Variants in SBNO1 observed in about 807,000 individuals in gnomAD.
The protein encoded by SBNO1 is protein strawberry notch homolog 1.
SBNO1 carries 23 observed loss-of-function variants against 173.6 expected under a neutral mutation model. The ratio of observed to expected loss-of-function variants is 0.13; its 90% CI spans 0.10 to 0.19. The LOEUF (loss-of-function observed/expected upper bound fraction) is 0.19. Ranked by LOEUF, SBNO1 falls within the 10% of genes least tolerant of loss-of-function variation. The pLI is 1.00. For missense variants in SBNO1, 1,238 were observed against 1,671.2 expected, an observed-to-expected ratio of 0.74 and a Z score of 4.52; for synonymous variants, 632 against 571.5, an observed-to-expected ratio of 1.11 and a Z score of -1.51.
intron 1 of SBNO1, among the ~76,000 whole-genome samples, chr12:123,357,238 G>A (rs767245172): frequency 6.6e-6 from 1 of 151,990 alleles, no homozygotes; most frequent in Non-Finnish European, 1.5e-5. Context: ...CTTGAGGTCA[G>A]GAGTTCGAGA....
intron 1 of SBNO1, among the ~76,000 whole-genome samples, chr12:123,363,523 C>T (rs1221150103): frequency 1.3e-5 from 2 of 152,138 alleles, no homozygotes; most frequent in East Asian, 3.8e-4. Flanking sequence ...ATATATGAAA[C>T]ATTTAACTCA....
At chr12:123,341,171 C>T in intron 4 of SBNO1, 83 bp from the exon 5 acceptor site, 4 of 787,616 alleles carry the variant, frequency 5.1e-6, no homozygotes, top group Non-Finnish European at 4.0e-6. Context: ...AAGTTTAAGG[C>T]TGCTGCGGTG....
chr12:123,342,292 CA>C (rs1003139183), intron 4 of SBNO1, among the ~76,000 whole-genome samples: 28 of 148,864 alleles, frequency 1.9e-4, no homozygotes, highest in Non-Finnish European at 3.3e-4. Context: ...TAAAAAAATA[CA>C]AAAAAAAATT....
chr12:123,335,425 T>C (rs1871723291), intron 6 of SBNO1, among the ~76,000 whole-genome samples: 1 of 152,206 alleles, frequency 6.6e-6, no homozygotes. Context: ...CACTCCAGAC[T>C]GAGTAAAGAG....
Position 123,302,884 on chromosome 12 carries a change from G to A in SBNO1, c.3785C>T (p.Ala1262Val), listed in dbSNP as rs1450336281. 1 of 1,612,400 alleles carries A rather than the reference G, an allele frequency of 6.2e-7. No individual in the cohort carries two copies. Among genetic ancestry groups the A allele is most frequent in the South Asian group, 1.1e-5 (1 of 91,010 alleles). Reference protein sequence around the residue: ...KKYKKVVSDDALMHWLDQYNS... With the variant: ...KKYKKVVSDDVLMHWLDQYNS... The stretch of plus-strand genomic sequence containing the variant: ...ATACTGATCTAACCAGTGCATCAGG[G>A]CATCATCTGAGACGACCTGTAAAAA... The change falls in exon 30 of 32, where the codon GCC (alanine) becomes GTC (valine). Residue 1262 changes from alanine (A) to valine (V), a missense_variant. Ala to Val is a moderately conservative substitution (Grantham distance 64). Coordinates refer to ENST00000602398, the MANE Select transcript of SBNO1 (RefSeq NM_001167856.3).
Position 123,355,254 on chromosome 12 carries a change from C to T in SBNO1, c.1-4813G>A, listed in dbSNP as rs1418727141. Among the ~76,000 whole-genome samples the T allele has an allele frequency of 2.6e-5, 4 of 152,190 alleles. No individual in the cohort carries two copies. In the South Asian group the frequency reaches 6.2e-4, roughly 24 times the overall value. On this transcript the variant is annotated intron_variant, in intron 1 of 31. Coordinates refer to ENST00000602398, the MANE Select transcript of SBNO1 (RefSeq NM_001167856.3). The stretch of plus-strand genomic sequence containing the variant: ...CAGGATGGTCTCGATCTACTGACCT[C>T]GTGATCCGCCCGCCTGGGCCTCCCA...
Position 123,338,065 on chromosome 12 carries a change from C to T in SBNO1, c.652-1574G>A, listed in dbSNP as rs1473735510. On this transcript the variant is annotated intron_variant, in intron 5 of 31. Transcript: ENST00000602398. ...GAGATAACTCGGGTGAGGGAGACCA[C>T]GGTACCTGGGAAATGTTTGCCCAAC... is the stretch of plus-strand genomic sequence containing the variant. 5.9e-5 allele frequency among the ~76,000 whole-genome samples: 9 copies of T among 152,108 alleles called. No homozygotes were observed. The East Asian group carries it at 1.5e-3, about 26-fold the overall frequency.
rs377526685 is a variant in SBNO1, at chr12:123,317,361, G to A, written c.2800-5C>T. ...TTCTGAGATGATAGCAATATTCTGT[G>A]TCAAATATAAGAAAAATAAAGTCAC... On this transcript the variant is annotated splice_region_variant and splice_polypyrimidine_tract_variant and intron_variant, in intron 20 of 31. Transcript: ENST00000602398. 2 of 1,613,554 alleles carry A rather than the reference G, an allele frequency of 1.2e-6. No individual in the cohort carries two copies. Among genetic ancestry groups the A allele is most frequent in the Middle Eastern group, 1.6e-4 (1 of 6,062 alleles).
chr12:123,290,721 T>C lies in SBNO1; in HGVS notation c.*5187A>G, dbSNP rs1250185135. The C allele has an allele frequency of 1.3e-5, 2 of 151,378 alleles. No homozygotes were observed. Among genetic ancestry groups the C allele is most frequent in the Non-Finnish European group, 2.9e-5 (2 of 67,984 alleles). The allele number at this position is 151,378 out of a possible 1,614,324, so 9.4% of individuals were successfully genotyped here. On this transcript the variant is annotated 3_prime_UTR_variant, in exon 32 of 32. Transcript: ENST00000602398. ...TGGCTCTCTTTTGGAGGACAATTGTTCCTTAATGTACATTCTCTCTCTTTT... is the reference window on the plus strand; with the variant it reads ...TGGCTCTCTTTTGGAGGACAATTGTCCCTTAATGTACATTCTCTCTCTTTT...
At chr12:123,303,467 G>A (rs1265228322) in intron 29 of SBNO1, among the ~76,000 whole-genome samples, 1 of 152,028 alleles carries the variant, frequency 6.6e-6, no homozygotes, top group Non-Finnish European at 1.5e-5. Context: ...CTAACATGGT[G>A]AAATTCCGTC....
At chr12:123,321,394 A>G (rs1869961731) in intron 17 of SBNO1, 141 bp downstream of exon 17, 1 of 659,684 alleles carries the variant, frequency 1.5e-6, no homozygotes, top group Admixed American at 3.0e-5. Context: ...CAGAAGGTAG[A>G]TAAGCCTGGA....
chr12:123,314,622 C>A (rs1566029714), intron 23 of SBNO1, among the ~76,000 whole-genome samples: 1 of 151,864 alleles, frequency 6.6e-6, no homozygotes. Context: ...CCACTGTGCC[C>A]AGCCACGCCC....
At chr12:123,351,880 T>G (rs1485791819) in intron 1 of SBNO1, among the ~76,000 whole-genome samples, 2 of 152,066 alleles carry the variant, frequency 1.3e-5, no homozygotes, top group South Asian at 4.1e-4. Flanking sequence ...AGAAAAAGTA[T>G]GAGCTGATGA....
At chr12:123,361,690 C>T (rs1271587621) in intron 1 of SBNO1, among the ~76,000 whole-genome samples, 1 of 149,982 alleles carries the variant, frequency 6.7e-6, no homozygotes, top group African/African-American at 2.5e-5. Flanking sequence ...GCTCAGATCA[C>T]CCCACTGCAC....
At chr12:123,345,146 T>C (rs555219216) in intron 4 of SBNO1, 112 bp downstream of exon 4, 3 of 884,760 alleles carry the variant, frequency 3.4e-6, no homozygotes, top group Non-Finnish European at 5.3e-6. Context: ...AAATAATGCA[T>C]ATAACACCCT....
At chr12:123,304,790 C>G in intron 28 of SBNO1, 71 bp from the exon 29 acceptor site, 1 of 1,015,774 alleles carries the variant, frequency 9.8e-7, no homozygotes, top group Non-Finnish European at 1.5e-6. Context: ...TGTACCATCA[C>G]GTCAGCAAAC....
chr12:123,311,452 C>G (rs1044155868), intron 24 of SBNO1, among the ~76,000 whole-genome samples: 1 of 152,034 alleles, frequency 6.6e-6, no homozygotes, highest in African/African-American at 2.4e-5. Flanking sequence ...CAGCTCACTG[C>G]AACCTCTGCC....
intron 3 of SBNO1, among the ~76,000 whole-genome samples, chr12:123,347,008 G>T (rs999784842): frequency 3.4e-5 from 5 of 148,756 alleles, no homozygotes; most frequent in African/African-American, 1.2e-4. Flanking sequence ...AACCCAGGAG[G>T]CAGAGGTTGC....
intron 30 of SBNO1, 40 bp downstream of exon 30, chr12:123,302,784 A>T: frequency 7.2e-7 from 1 of 1,385,148 alleles, no homozygotes; most frequent in Non-Finnish European, 1.0e-6. Flanking sequence ...AATCTCAATT[A>T]AATTTTGGAA....
Sources: allele counts gnomAD v4.1 joint callset (sites outside exome capture counted in the v4.1 genomes callset), GRCh38; gene constraint gnomAD v4.1.1; transcripts MANE v1.5; gene names NCBI Gene and HGNC (gene_info 2026-07-23, HGNC 2026-07-21).